TECRL: variants seen among roughly 807,000 people sequenced by gnomAD.
TECRL encodes the protein trans-2,3-enoyl-CoA reductase like.
TECRL carries 63 observed loss-of-function variants against 52.8 expected under a neutral mutation model. That is an observed-to-expected ratio of 1.19 (90% CI 0.97 to 1.47). The LOEUF is 1.47. TECRL is among the 40% of genes most tolerant of loss of function. The probability of loss-of-function intolerance (pLI) is 0.00; values close to 1 mark genes in which losing one functional copy is unlikely to be tolerated. For missense variants in TECRL, 482 were observed against 429.6 expected (o/e 1.12, Z -1.08); for synonymous variants, 164 against 141.9 (o/e 1.16, Z -1.10).
intron 8 of TECRL, among the ~76,000 whole-genome samples, chr4:64,291,906 G>GA (rs941259028): frequency 1.3e-5 from 2 of 151,888 alleles, no homozygotes; most frequent in Admixed American, 1.3e-4. Flanking sequence ...AGAGTGGGGA[G>GA]AAAAAACAAC....
At chr4:64,283,576 A>T (rs1287009420) in intron 9 of TECRL, among the ~76,000 whole-genome samples, 2 of 152,108 alleles carry the variant, frequency 1.3e-5, no homozygotes, top group African/African-American at 2.4e-5. Context: ...CAACAAACAC[A>T]TCTAAAACAA....
intron 9 of TECRL, among the ~76,000 whole-genome samples, chr4:64,282,441 T>C (rs1722875208): frequency 6.6e-6 from 1 of 152,070 alleles, no homozygotes; most frequent in Non-Finnish European, 1.5e-5. Flanking sequence ...ATATCAAAGT[T>C]AAAAATTATG....
rs750932277 is a variant in TECRL at position 64,409,283 on chromosome 4, C to A, written c.69G>T (p.Arg23=). The stretch of plus-strand genomic sequence containing the variant: ...TTCTCATATCATCCTTCAGTATGAA[C>A]CGTGTAGCTCTTTGGGAAAGTAATG... ...KRALLSQRAT[R]FILKDDMRNF... The change falls in exon 1 of 12, where the codon CGG becomes CGT. Residue 23 remains arginine, a synonymous_variant. Coordinates refer to ENST00000381210, the MANE Select transcript of TECRL (RefSeq NM_001010874.5). 7.5e-6 allele frequency: 12 copies of A among 1,606,294 alleles called. No individual in the cohort carries two copies. In the African/African-American group the frequency reaches 1.5e-4, roughly 20 times the overall value.
chr4:64,295,928 T>C (rs1258273778), intron 8 of TECRL, among the ~76,000 whole-genome samples: 3 of 151,968 alleles, frequency 2.0e-5, no homozygotes, highest in African/African-American at 7.2e-5. Context: ...AATTTAAGTA[T>C]AAAAATTGAT....
chr4:64,306,372 G>A (rs577744347), intron 6 of TECRL, among the ~76,000 whole-genome samples: 27 of 152,216 alleles, frequency 1.8e-4, no homozygotes, highest in Admixed American at 8.5e-4. Context: ...ATCTGGCTGA[G>A]GCTAGATCTT....
intron 1 of TECRL, among the ~76,000 whole-genome samples, chr4:64,404,897 C>T (rs919784533): frequency 2.6e-5 from 4 of 152,032 alleles, no homozygotes; most frequent in African/African-American, 4.8e-5. Flanking sequence ...AACATGAATG[C>T]TGTGTCAAAT....
chr4:64,379,175 G>C (rs894477362), intron 1 of TECRL, among the ~76,000 whole-genome samples: 18 of 151,438 alleles, frequency 1.2e-4, no homozygotes, highest in Non-Finnish European at 2.5e-4. Flanking sequence ...AGGAAATTAT[G>C]TGTAAATTTT....
At chr4:64,408,812 T>C (rs1359219635) in intron 1 of TECRL, among the ~76,000 whole-genome samples, 1 of 152,030 alleles carries the variant, frequency 6.6e-6, no homozygotes, top group East Asian at 1.9e-4. Flanking sequence ...TGTAGGAAAA[T>C]AGGTTGAGCA....
chr4:64,346,966 C>T (rs1439549306), intron 2 of TECRL, among the ~76,000 whole-genome samples: 1 of 152,176 alleles, frequency 6.6e-6, no homozygotes, highest in African/African-American at 2.4e-5. Flanking sequence ...GAAGCCTGTT[C>T]TGTGTGTGCC....
intron 2 of TECRL, among the ~76,000 whole-genome samples, chr4:64,332,002 G>A (rs1328953167): frequency 6.6e-6 from 1 of 152,048 alleles, no homozygotes; most frequent in Non-Finnish European, 1.5e-5. Flanking sequence ...AAAAGTATGA[G>A]AAAATATTTT....
intron 2 of TECRL, among the ~76,000 whole-genome samples, chr4:64,362,499 C>A (rs992111393): frequency 4.6e-5 from 7 of 152,104 alleles, no homozygotes; most frequent in Non-Finnish European, 8.8e-5. Context: ...CAGGCTAACA[C>A]CAGACCTTTC....
chr4:64,314,598 T>C (rs746905442), intron 5 of TECRL, 50 bp downstream of exon 5: 5 of 30,834 alleles, frequency 1.6e-4, no homozygotes, highest in African/African-American at 8.9e-4. Context: ...ATGGTGTGTG[T>C]GTGTGTGTGT....
chr4:64,346,289 C>G (rs1317805590), intron 2 of TECRL, among the ~76,000 whole-genome samples: 1 of 152,212 alleles, frequency 6.6e-6, no homozygotes, highest in East Asian at 1.9e-4. Context: ...TGTTTTCTCA[C>G]AGCCCCACTA....
intron 8 of TECRL, among the ~76,000 whole-genome samples, chr4:64,290,769 T>G (rs1723336302): frequency 6.6e-6 from 1 of 152,102 alleles, no homozygotes; most frequent in African/African-American, 2.4e-5. Flanking sequence ...TCCATTTTCA[T>G]CATCTAGAAC....
chr4:64,295,634 T>C (rs1723637688), intron 8 of TECRL, among the ~76,000 whole-genome samples: 1 of 151,790 alleles, frequency 6.6e-6, no homozygotes, highest in Non-Finnish European at 1.5e-5. Context: ...GTAAATGATG[T>C]TTGAAAACAT....
chr4:64,287,719 C>T (rs920094249), intron 9 of TECRL, among the ~76,000 whole-genome samples: 4 of 152,258 alleles, frequency 2.6e-5, no homozygotes, highest in East Asian at 3.9e-4. Context: ...TGTTATACAA[C>T]ATTTTAATGG....
At position 64,307,980 on chromosome 4, in the gene TECRL, C is replaced by T. The variant is rs113355927; in HGVS notation, c.657+1846G>A. On this transcript the variant is annotated intron_variant, in intron 6 of 11. Coordinates refer to ENST00000381210, the MANE Select transcript of TECRL (RefSeq NM_001010874.5). ...TCAAATGTGCATACTGGAGGACTTA[C>T]GAAGTACTAGAATTAGGACCACATG... Among the ~76,000 whole-genome samples the T allele has an allele frequency of 8.5e-3, 1,297 of 152,196 alleles. 18 individuals carry two copies. The highest frequency in any genetic ancestry group is 0.029 in the African/African-American group (1,215 of 41,520).
chr4:64,314,701 T>C lies in TECRL; in HGVS notation c.498A>G (p.Pro166=), dbSNP rs1333481718. The change falls in exon 5 of 12, where the codon CCA becomes CCG. Residue 166 remains proline, a synonymous_variant. Coordinates refer to ENST00000381210, the MANE Select transcript of TECRL (RefSeq NM_001010874.5). Reference sequence around the variant, plus strand: ...CACTCTCTTTTCCATCATATATACATGGGATCCTCAAATAAAAGAGGAGGT... The same window carrying C: ...CACTCTCTTTTCCATCATATATACACGGGATCCTCAAATAAAAGAGGAGGT... ...LIYLLFYLRI[P]CIYDGKESAR... The C allele has an allele frequency of 6.2e-7, 1 of 1,613,010 alleles. No homozygotes were observed. The highest frequency in any genetic ancestry group is 8.5e-7 in the Non-Finnish European group (1 of 1,179,558).
intron 2 of TECRL, among the ~76,000 whole-genome samples, chr4:64,338,825 A>G (rs1719327243): frequency 6.6e-6 from 1 of 152,208 alleles, no homozygotes; most frequent in Admixed American, 6.5e-5. Context: ...ACACTTTTAC[A>G]CTGTTGGTAG....
Sources: gnomAD v4.1 joint callset for allele counts (sites outside exome capture counted in the v4.1 genomes callset) on GRCh38, gnomAD v4.1.1 for gene constraint, MANE v1.5 for transcripts, NCBI Gene and HGNC (gene_info 2026-07-23, HGNC 2026-07-21) for gene names.